The following KNTC1 variants were observed in gnomAD, a reference collection of about 807,000 sequenced individuals.
The protein encoded by KNTC1 is kinetochore-associated protein 1.
KNTC1 carries 253 observed loss-of-function variants against 314.4 expected under a neutral mutation model. That is an observed-to-expected ratio of 0.80 (90% confidence interval 0.73 to 0.89). The LOEUF is 0.89. Ranked by LOEUF, KNTC1 falls within the 40% of genes least tolerant of loss-of-function variation. KNTC1 has a pLI of 0.00. For synonymous variants in KNTC1, 901 were observed against 901.4 expected, an observed-to-expected ratio of 1.00 and a Z score of 0.01; for missense variants, 2,475 against 2,572.9, an observed-to-expected ratio of 0.96 and a Z score of 0.82.
At chr12:122,534,615 AAC>A (rs772531511) in intron 2 of KNTC1, 47 bp from the exon 3 acceptor site, 1 of 1,529,402 alleles carries the variant, frequency 6.5e-7, no homozygotes, top group South Asian at 1.2e-5. Flanking sequence ...AGTATTATTA[AAC>A]ACATATAAAA....
intron 63 of KNTC1, 73 bp downstream of exon 63, chr12:122,624,761 C>G (rs977110617): frequency 2.0e-6 from 2 of 1,015,418 alleles, no homozygotes; most frequent in African/African-American, 3.2e-5. Flanking sequence ...AATTGACAAG[C>G]CTTTTCTAGT....
chr12:122,584,472 G>A (rs374545589), intron 35 of KNTC1, 22 bp downstream of exon 35: 13 of 1,561,050 alleles, frequency 8.3e-6, no homozygotes, highest in Middle Eastern at 1.7e-4. Flanking sequence ...TATAATATAC[G>A]TAGTTTTATA....
chr12:122,617,414 G>C, intron 57 of KNTC1: 1 of 450,088 alleles, frequency 2.2e-6, no homozygotes, highest in Middle Eastern at 3.4e-4. Context: ...TAGAGATGGA[G>C]GTCTTGCTAT....
chr12:122,580,743 G>T (rs1286341444), intron 33 of KNTC1, 73 bp downstream of exon 33: 5 of 1,000,984 alleles, frequency 5.0e-6, no homozygotes, highest in Admixed American at 4.9e-5. Flanking sequence ...AAAGTTTTCT[G>T]TATGGCTGGG....
intron 53 of KNTC1, among the ~76,000 whole-genome samples, chr12:122,611,997 T>C (rs1873180495): frequency 6.6e-6 from 1 of 152,024 alleles, no homozygotes; most frequent in Non-Finnish European, 1.5e-5. Context: ...GGGGGCTGAC[T>C]GTGGATTCAA....
chr12:122,622,887 G>T (rs1422900023), intron 62 of KNTC1, among the ~76,000 whole-genome samples: 5 of 151,962 alleles, frequency 3.3e-5, no homozygotes, highest in Non-Finnish European at 7.4e-5. Flanking sequence ...GGCAGAGGTT[G>T]CAGTGAGCCG....
At chr12:122,532,959 T>C (rs892375113) in intron 2 of KNTC1, among the ~76,000 whole-genome samples, 4 of 152,116 alleles carry the variant, frequency 2.6e-5, no homozygotes, top group African/African-American at 9.7e-5. Flanking sequence ...TGTCCTGTAG[T>C]CCCAGCTACT....
chr12:122,594,712 T>G (rs1048204446), intron 43 of KNTC1, among the ~76,000 whole-genome samples: 2 of 152,220 alleles, frequency 1.3e-5, no homozygotes, highest in Non-Finnish European at 2.9e-5. Context: ...TAATAGGAGC[T>G]CAGGTGATTC....
rs1961662381 is a variant in KNTC1 at position 122,534,887 on chromosome 12, T to C, written c.250+103T>C. The C allele has an allele frequency of 3.4e-6, 4 of 1,161,296 alleles. No homozygotes were observed. The East Asian group carries it at 9.9e-5, about 29-fold the overall frequency. The allele number at this position is 1,161,296 out of a possible 1,614,324, so 71.9% of individuals were successfully genotyped here. ...CCTCTTTACTCCATTATTTCTAAGA[T>C]TTCAAATTAGACCAATTTCAAGTAA... On this transcript the variant is annotated intron_variant, in intron 3 of 63. Coordinates refer to ENST00000333479, the MANE Select transcript of KNTC1 (RefSeq NM_014708.6).
intron 55 of KNTC1, among the ~76,000 whole-genome samples, chr12:122,614,550 A>G (rs1171877549): frequency 1.3e-5 from 2 of 152,128 alleles, no homozygotes; most frequent in African/African-American, 4.8e-5. Flanking sequence ...CTTTCATTAG[A>G]AAGATGGGGG....
In KNTC1 at chr12:122,568,335, A is replaced by C. The variant is rs1433663750; in HGVS notation, c.1679A>C (p.Asn560Thr). The C allele has an allele frequency of 1.9e-6, 3 of 1,601,768 alleles. No homozygotes were observed. The highest frequency in any genetic ancestry group is 2.6e-6 in the Non-Finnish European group (3 of 1,170,360). The change falls in exon 21 of 64, where the codon AAC (asparagine) becomes ACC (threonine). Residue 560 changes from asparagine (N) to threonine (T), a missense_variant. By Grantham distance (65) the Asn-to-Thr change is moderately conservative. Transcript: ENST00000333479. ...KDIFLQLKEG[N>T]LVCAQYLWLR... is the part of the protein sequence containing the mutation. ...ATTTTTTTACAGCTAAAAGAAGGAAACCTTGTTTGTGCACAGTATCTTTGG... is the reference window on the plus strand; with the variant it reads ...ATTTTTTTACAGCTAAAAGAAGGAACCCTTGTTTGTGCACAGTATCTTTGG...
rs528973718 is a variant in KNTC1 at position 122,532,214 on chromosome 12, T to C, written c.129+2022T>C. On this transcript the variant is annotated intron_variant, in intron 2 of 63. Transcript: ENST00000333479. The stretch of plus-strand genomic sequence containing the variant: ...ACGCCTGGCTAATTTTTCTTTTTTT[T>C]TTTTTTTTTTTTTGAGACGAACTCT... 7.8e-3 allele frequency among the ~76,000 whole-genome samples: 1,135 copies of C among 146,140 alleles called. 17 individuals are homozygous for C. The highest frequency in any genetic ancestry group is 0.028 in the African/African-American group (1,095 of 39,616).
At chr12:122,598,421 C>CTTTTTTTTTTTTTTTTTTTTTT (rs11395342) in intron 44 of KNTC1, among the ~76,000 whole-genome samples, 11 of 124,258 alleles carry the variant, frequency 8.9e-5, no homozygotes, top group East Asian at 2.3e-4. Flanking sequence ...TTTTTCTTTT[C>CTTTTTTTTTTTTTTTTTTTTTT]TTTTTTTTTT....
At chr12:122,576,846 G>T in intron 29 of KNTC1, 49 bp from the exon 30 acceptor site, 15 of 1,436,662 alleles carry the variant, frequency 1.0e-5, no homozygotes, top group South Asian at 1.6e-5. Context: ...TGATTTCTTG[G>T]TTTTCTGTGA....
chr12:122,589,177 C>T (rs1177023554), intron 40 of KNTC1, among the ~76,000 whole-genome samples: 1 of 152,034 alleles, frequency 6.6e-6, no homozygotes, highest in Non-Finnish European at 1.5e-5. Flanking sequence ...CCTCCTGCCT[C>T]AGCCTCCCAA....
intron 40 of KNTC1, among the ~76,000 whole-genome samples, chr12:122,590,039 C>T (rs1429001872): frequency 6.6e-6 from 1 of 151,992 alleles, no homozygotes; most frequent in Non-Finnish European, 1.5e-5. Context: ...CCTCCTCGGC[C>T]TCCCAAAGTG....
At chr12:122,576,226 A>AT (rs71308028) in intron 29 of KNTC1, among the ~76,000 whole-genome samples, 30,439 of 149,836 alleles carry the variant, frequency 0.2, 3,486 homozygotes, top group East Asian at 0.46. Context: ...CGCTTGGCTA[A>AT]TTTTTTTTTT....
chr12:122,550,419 AATTGGGCCAATTACTTTAAAGCT>A (rs2137771102), intron 13 of KNTC1, among the ~76,000 whole-genome samples: 1 of 151,942 alleles, frequency 6.6e-6, no homozygotes, highest in South Asian at 2.1e-4. Context: ...AAATTTTACC[AATTGGGCCAATTACTTTAAAGCT>A]ATTTTTTTTT....
rs1278915597 is a variant in KNTC1 at position 122,584,919 on chromosome 12, T to C, written c.3463T>C (p.Cys1155Arg). 17 of 1,588,032 alleles carry C rather than the reference T, an allele frequency of 1.1e-5. No homozygotes were observed. The highest frequency in any genetic ancestry group is 1.1e-5 in the Non-Finnish European group (13 of 1,156,642). Reference protein sequence around the residue: ...PDFLLDALELCKHTLMAVELS... With the variant: ...PDFLLDALELRKHTLMAVELS... ...TTTTTTACTAGATGCTTTAGAACTATGTAAACATACTTTAATGGCTGTAGA... is the reference window on the plus strand; with the variant it reads ...TTTTTTACTAGATGCTTTAGAACTACGTAAACATACTTTAATGGCTGTAGA... The change falls in exon 36 of 64, where the codon TGT becomes CGT. Residue 1155 changes from cysteine to arginine, a missense_variant. By Grantham distance (180) the Cys-to-Arg change is radical. Transcript: ENST00000333479.
Sources: gnomAD v4.1 joint callset for allele counts (sites outside exome capture counted in the v4.1 genomes callset) on GRCh38, gnomAD v4.1.1 for gene constraint, MANE v1.5 for transcripts, NCBI Gene and HGNC (gene_info 2026-07-23, HGNC 2026-07-21) for gene names.